Variants in SFMBT2 observed in about 807,000 individuals in gnomAD.
SFMBT2 encodes the protein Scm like with four mbt domains 2, also known as scm-like with four MBT domains protein 2.
Under a neutral mutation model 110.1 loss-of-function variants are expected in SFMBT2, and 38 were observed. That is an observed-to-expected ratio of 0.35 (90% confidence interval 0.27 to 0.45). SFMBT2 has a LOEUF of 0.45. Ranked by LOEUF, SFMBT2 falls within the 20% of genes least tolerant of loss-of-function variation. The pLI is 1.00. For missense variants in SFMBT2, 1,011 were observed against 1,094.9 expected, an observed-to-expected ratio of 0.92 and a Z score of 1.08; for synonymous variants, 425 against 425.4, an observed-to-expected ratio of 1.00 and a Z score of 0.01.
At chr10:7,281,049 T>C (rs1277365159) in intron 6 of SFMBT2, among the ~76,000 whole-genome samples, 1 of 152,136 alleles carries the variant, frequency 6.6e-6, no homozygotes, top group African/African-American at 2.4e-5. Context: ...AAGCCCAGCC[T>C]GAGCAACATA....
chr10:7,402,437 A>G (rs571634741), intron 1 of SFMBT2, among the ~76,000 whole-genome samples: 1 of 152,286 alleles, frequency 6.6e-6, no homozygotes, highest in South Asian at 2.1e-4. Context: ...GTCACACCAA[A>G]AGCCCTAAAC....
intron 11 of SFMBT2, among the ~76,000 whole-genome samples, chr10:7,208,380 A>G (rs1839219564): frequency 1.3e-5 from 2 of 152,248 alleles, no homozygotes; most frequent in African/African-American, 4.8e-5. Context: ...TTAGCTACAA[A>G]TAACATTTTC....
At chr10:7,251,271 C>T (rs1478532747) in intron 7 of SFMBT2, among the ~76,000 whole-genome samples, 1 of 151,732 alleles carries the variant, frequency 6.6e-6, no homozygotes, top group African/African-American at 2.4e-5. Context: ...GTCAGGAGTT[C>T]GAGACCAGCC....
In SFMBT2 at chr10:7,171,941, G is replaced by A; in HGVS notation, c.2369C>T (p.Ala790Val). 5 of 1,463,904 alleles carry A rather than the reference G, an allele frequency of 3.4e-6. No homozygotes were observed. Among genetic ancestry groups the A allele is most frequent in the Non-Finnish European group, 3.6e-6 (4 of 1,111,128 alleles). The allele number at this position is 1,463,904 out of a possible 1,614,324, so 90.7% of individuals were successfully genotyped here. A position where few individuals can be genotyped will look rare whatever the true frequency, so the allele number is the denominator to read the frequency against. ...RGRGAPAASS[A>V]EEGEKCPPTK... is the part of the protein sequence containing the mutation. ...CGGCGGGCACTTCTCCCCTTCCTCT[G>A]CTGAGGAGGCAGCCGGCGCCCCGCG... is the stretch of plus-strand genomic sequence containing the variant. The change falls in exon 19 of 21, where the codon GCA becomes GTA. Residue 790 changes from alanine to valine, a missense_variant. Physicochemically the swap from Ala to Val is moderately conservative, Grantham distance 64. This residue lies in a region of SFMBT2 where 979 missense variants were observed against 1,016.1 expected (regional missense o/e 0.96). Transcript: ENST00000397167. The surrounding 1 kb of genome is among the most constrained non-coding windows in gnomAD (Gnocchi z 4.9).
intron 4 of SFMBT2, among the ~76,000 whole-genome samples, chr10:7,343,231 T>C (rs1843986985): frequency 1.3e-5 from 2 of 152,166 alleles, no homozygotes; most frequent in African/African-American, 4.8e-5. Context: ...CTTTTTTTTT[T>C]TAATGGCTGC....
intron 9 of SFMBT2, among the ~76,000 whole-genome samples, chr10:7,229,653 C>T (rs1267586541): frequency 6.6e-6 from 1 of 150,376 alleles, no homozygotes; most frequent in Admixed American, 6.6e-5. Flanking sequence ...GTTGCCTCCA[C>T]TTGTATTCCC....
chr10:7,255,235 G>A (rs1260618360), intron 7 of SFMBT2, among the ~76,000 whole-genome samples: 2 of 152,164 alleles, frequency 1.3e-5, no homozygotes, highest in South Asian at 2.1e-4. Context: ...TCGCCAAACC[G>A]ATTATGTACT....
intron 1 of SFMBT2, among the ~76,000 whole-genome samples, chr10:7,390,642 C>T (rs536428043): frequency 1.3e-5 from 2 of 152,226 alleles, no homozygotes; most frequent in Admixed American, 6.5e-5. Flanking sequence ...ATGAATATGG[C>T]TATTAATAAA....
At chr10:7,270,829 C>T (rs1473680537) in intron 7 of SFMBT2, among the ~76,000 whole-genome samples, 2 of 152,176 alleles carry the variant, frequency 1.3e-5, no homozygotes, top group Admixed American at 1.3e-4. Context: ...ATCAGGTCAA[C>T]AGCACATAAT....
Position 7,374,565 on chromosome 10 carries a change from G to A in SFMBT2, c.101-4190C>T, listed in dbSNP as rs1428596600. Among the ~76,000 whole-genome samples the A allele has an allele frequency of 2.6e-5, 4 of 152,100 alleles. No individual in the cohort carries two copies. The East Asian group carries it at 7.7e-4, about 29-fold the overall frequency. On this transcript the variant is annotated intron_variant, in intron 2 of 20. Transcript: ENST00000397167. Reference sequence around the variant, plus strand: ...ACAACTACATTTCCCAATATACAGGGTTCTACAGACTTCAGTGCACATGGT... The same window carrying A: ...ACAACTACATTTCCCAATATACAGGATTCTACAGACTTCAGTGCACATGGT...
At chr10:7,190,316 G>A (rs1235677383) in intron 15 of SFMBT2, among the ~76,000 whole-genome samples, 1 of 152,206 alleles carries the variant, frequency 6.6e-6, no homozygotes, top group Non-Finnish European at 1.5e-5. Context: ...CGCACACAGT[G>A]TTTATCAACA....
intron 9 of SFMBT2, chr10:7,228,376 T>TA (rs61479973): frequency 7.4e-3 from 5,002 of 680,218 alleles, no homozygotes; most frequent in Middle Eastern, 0.019. Flanking sequence ...AATAAAAAAT[T>TA]AAAAAAAAAA....
chr10:7,397,370 T>A (rs1431335906), intron 1 of SFMBT2, among the ~76,000 whole-genome samples: 1 of 151,130 alleles, frequency 6.6e-6, no homozygotes. Flanking sequence ...TGTTGTTGTT[T>A]TTTTGTTTTT....
intron 1 of SFMBT2, among the ~76,000 whole-genome samples, chr10:7,401,071 T>C (rs1161338909): frequency 6.6e-6 from 1 of 151,928 alleles, no homozygotes; most frequent in African/African-American, 2.4e-5. Context: ...AAATGGAGAT[T>C]GCAACGAGCC....
chr10:7,306,083 C>CATA (rs1415823738), intron 4 of SFMBT2, among the ~76,000 whole-genome samples: 8 of 152,228 alleles, frequency 5.3e-5, no homozygotes, highest in Non-Finnish European at 7.3e-5. Flanking sequence ...TTCATTAAGC[C>CATA]ATACCTGTAC....
intron 1 of SFMBT2, among the ~76,000 whole-genome samples, chr10:7,397,929 TGAGAC>T (rs1845972125): frequency 6.6e-6 from 1 of 152,198 alleles, no homozygotes; most frequent in Admixed American, 6.5e-5. Context: ...CATCATCAAG[TGAGAC>T]GAGCTGATTG....
intron 15 of SFMBT2, among the ~76,000 whole-genome samples, chr10:7,193,320 T>C (rs1166810680): frequency 6.6e-6 from 1 of 152,164 alleles, no homozygotes; most frequent in African/African-American, 2.4e-5. Flanking sequence ...CATGTTTCTC[T>C]TTTTTTCTGA....
intron 15 of SFMBT2, among the ~76,000 whole-genome samples, chr10:7,190,836 C>G (rs918093810): frequency 2.6e-5 from 4 of 152,190 alleles, no homozygotes; most frequent in African/African-American, 9.7e-5. Context: ...CCACCCAAAT[C>G]TCACCTTGAA....
In SFMBT2 at chr10:7,197,669, T is replaced by C. The variant is rs1838821240; in HGVS notation, c.1577A>G (p.Tyr526Cys). 2.5e-6 allele frequency: 4 copies of C among 1,613,966 alleles called. No individual in the cohort carries two copies. The highest frequency in any genetic ancestry group is 2.7e-5 in the African/African-American group (2 of 74,908). The change falls in exon 15 of 21, where the codon TAC becomes TGC. Residue 526 changes from tyrosine (Y) to cysteine (C), a missense_variant. By Grantham distance (194) the Tyr-to-Cys change is radical. Around this residue, in one of 2 missense-constraint regions of SFMBT2, gnomAD observed 979 missense variants for 1,016.1 expected, o/e 0.96. Transcript: ENST00000397167. Reference protein sequence around the residue: ...LDTTGTVNGKYCCPQLFINHR... With the variant: ...LDTTGTVNGKCCCPQLFINHR... ...GTTGATGAAGAGCTGAGGACAGCAG[T>C]ATTTCCCGTTGACGGTTCCTGCAGG...
Sources: allele counts gnomAD v4.1 joint callset (sites outside exome capture counted in the v4.1 genomes callset), GRCh38; gene constraint gnomAD v4.1.1; regional missense constraint gnomAD v4.1.1; non-coding constraint Gnocchi (gnomAD v3.1); transcripts MANE v1.5; gene names NCBI Gene and HGNC (gene_info 2026-07-23, HGNC 2026-07-21).